PDCD6IP: variants seen among roughly 807,000 people sequenced by gnomAD.
PDCD6IP encodes programmed cell death 6 interacting protein.
In PDCD6IP, 43 loss-of-function variants were observed where a neutral mutation model predicts 103.7. That is an observed-to-expected ratio of 0.41 (90% CI 0.32 to 0.53). PDCD6IP has a LOEUF of 0.53. Ranked by LOEUF, PDCD6IP falls within the 20% of genes least tolerant of loss-of-function variation. The probability of loss-of-function intolerance (pLI) is 0.16; values close to 1 mark genes in which losing one functional copy is unlikely to be tolerated. For missense variants in PDCD6IP, 871 were observed against 1,036.7 expected (o/e 0.84, Z 2.20); for synonymous variants, 354 against 378.7 (o/e 0.93, Z 0.76).
At chr3:33,811,578 G>C (rs1302417851) in intron 1 of PDCD6IP, among the ~76,000 whole-genome samples, 1 of 152,220 alleles carries the variant, frequency 6.6e-6, no homozygotes, top group East Asian at 1.9e-4. Context: ...GAATGAGAAA[G>C]GAGATGGAGA....
intron 8 of PDCD6IP, 98 bp from the exon 9 acceptor site, chr3:33,838,106 T>A: frequency 9.8e-7 from 1 of 1,024,228 alleles, no homozygotes; most frequent in Non-Finnish European, 1.5e-6. Context: ...TAAATATTTA[T>A]AGACTATGTG....
chr3:33,827,754 TCTC>T (rs1277466022), intron 6 of PDCD6IP: 6 of 152,140 alleles, frequency 3.9e-5, no homozygotes, highest in African/African-American at 1.2e-4. Flanking sequence ...TCCTTGAAAA[TCTC>T]CTGTTTCAGA....
chr3:33,836,299 A>T, intron 8 of PDCD6IP, 33 bp downstream of exon 8: 1 of 1,204,612 alleles, frequency 8.3e-7, no homozygotes, highest in Non-Finnish European at 1.2e-6. Flanking sequence ...CTTTAATCTC[A>T]TTTTTCTCTA....
chr3:33,853,819 G>A (rs1697770551), intron 13 of PDCD6IP, 60 bp from the exon 14 acceptor site: 2 of 1,242,288 alleles, frequency 1.6e-6, no homozygotes, highest in Non-Finnish European at 2.1e-6. Context: ...CAATAAAAAT[G>A]TTATGAGCTA....
At chr3:33,819,206 G>GA (rs751690127) in intron 3 of PDCD6IP, among the ~76,000 whole-genome samples, 33 of 151,410 alleles carry the variant, frequency 2.2e-4, no homozygotes, top group Non-Finnish European at 3.5e-4. Context: ...TTTAAAACTT[G>GA]AAAAAAAATT....
At chr3:33,847,823 C>T (rs1697626595) in intron 12 of PDCD6IP, among the ~76,000 whole-genome samples, 1 of 152,128 alleles carries the variant, frequency 6.6e-6, no homozygotes, top group African/African-American at 2.4e-5. Context: ...GTACTGTGGC[C>T]TGAAGTCCAG....
At chr3:33,863,255 T>C (rs1697991984) in intron 15 of PDCD6IP, among the ~76,000 whole-genome samples, 1 of 152,226 alleles carries the variant, frequency 6.6e-6, no homozygotes. Context: ...GATATTCATC[T>C]CAAACGTTTA....
intron 1 of PDCD6IP, among the ~76,000 whole-genome samples, chr3:33,802,498 T>C (rs547060455): frequency 6.6e-6 from 1 of 152,054 alleles, no homozygotes; most frequent in South Asian, 2.1e-4. Context: ...TTTTCTTTTT[T>C]TTTTTTTTGA....
At chr3:33,813,926 A>G (rs550202885) in intron 3 of PDCD6IP, among the ~76,000 whole-genome samples, 30 of 152,352 alleles carry the variant, frequency 2.0e-4, no homozygotes, top group African/African-American at 7.0e-4. Flanking sequence ...ATGGAAGCAT[A>G]TATGAGGAAG....
At chr3:33,827,065 C>G (rs1697143091) in intron 6 of PDCD6IP, 1 of 985,166 alleles carries the variant, frequency 1.0e-6, no homozygotes, top group Admixed American at 6.2e-5. Flanking sequence ...GTTTTGCCAA[C>G]AGGGATAAAA....
rs142007559 is a variant in PDCD6IP, at chr3:33,844,265, A to G, written c.1471+42A>G. The G allele has an allele frequency of 8.2e-3, 9,002 of 1,103,222 alleles. 43 individuals are homozygous for G. The highest frequency in any genetic ancestry group is 0.012 in the Middle Eastern group (55 of 4,724). 68.3% of individuals were successfully genotyped at this position (1,103,222 alleles called of 1,614,324 possible). A position where few individuals can be genotyped will look rare whatever the true frequency, so the allele number is the denominator to read the frequency against. The stretch of plus-strand genomic sequence containing the variant: ...ATGACCTTCATTTGAATAAATTCCC[A>G]ATTTCGACCCACGTTTTTGCTTGAT... On this transcript the variant is annotated intron_variant, in intron 11 of 17. Transcript: ENST00000307296.
intron 9 of PDCD6IP, 152 bp downstream of exon 9, chr3:33,838,479 GTATT>G (rs762385620): frequency 3.9e-4 from 266 of 686,048 alleles, no homozygotes; most frequent in Non-Finnish European, 4.1e-4. Context: ...GTTGGACACT[GTATT>G]TATGAAGCTC....
intron 10 of PDCD6IP, among the ~76,000 whole-genome samples, chr3:33,842,742 T>C (rs1321213358): frequency 6.6e-6 from 1 of 152,212 alleles, no homozygotes; most frequent in Non-Finnish European, 1.5e-5. Context: ...TATGCGGTCA[T>C]GGCACATTTG....
At chr3:33,811,455 T>C (rs1169367656) in intron 1 of PDCD6IP, among the ~76,000 whole-genome samples, 2 of 152,138 alleles carry the variant, frequency 1.3e-5, no homozygotes, top group African/African-American at 4.8e-5. Flanking sequence ...GGCCTGACCC[T>C]TTTCTCCTCC....
At chr3:33,855,566 A>T (rs1298800808) in intron 15 of PDCD6IP, among the ~76,000 whole-genome samples, 1 of 152,244 alleles carries the variant, frequency 6.6e-6, no homozygotes, top group African/African-American at 2.4e-5. Context: ...TGAAGTGGCA[A>T]ATAGGTTCCT....
At chr3:33,863,230 A>C (rs1444568217) in intron 15 of PDCD6IP, among the ~76,000 whole-genome samples, 2 of 152,236 alleles carry the variant, frequency 1.3e-5, no homozygotes, top group African/African-American at 4.8e-5. Flanking sequence ...ATAATAATCA[A>C]ATCAAGGCAA....
At chr3:33,845,744 A>G (rs1203903234) in intron 12 of PDCD6IP, among the ~76,000 whole-genome samples, 156 bp downstream of exon 12, 1 of 152,244 alleles carries the variant, frequency 6.6e-6, no homozygotes, top group Non-Finnish European at 1.5e-5. Flanking sequence ...AGACTGTGTA[A>G]TAGATAATTA....
At chr3:33,863,627 A>T (rs897813097) in intron 15 of PDCD6IP, among the ~76,000 whole-genome samples, 1 of 152,166 alleles carries the variant, frequency 6.6e-6, no homozygotes, top group Non-Finnish European at 1.5e-5. Context: ...ATAATATTCC[A>T]TGGTGTATAT....
At chr3:33,864,421 T>C (rs1430306113) in intron 16 of PDCD6IP, among the ~76,000 whole-genome samples, 2 of 151,570 alleles carry the variant, frequency 1.3e-5, no homozygotes, top group African/African-American at 4.8e-5. Flanking sequence ...TGGACAAATC[T>C]TTCACATGGG....
Sources: gnomAD v4.1 joint callset for allele counts (sites outside exome capture counted in the v4.1 genomes callset) on GRCh38, gnomAD v4.1.1 for gene constraint, MANE v1.5 for transcripts, NCBI Gene and HGNC (gene_info 2026-07-23, HGNC 2026-07-21) for gene names.